The following AKAP13 variants were observed in gnomAD, a reference collection of about 807,000 sequenced individuals.
AKAP13 encodes the protein A-kinase anchor protein 13.
Under a neutral mutation model 264.5 loss-of-function variants are expected in AKAP13, and 80 were observed. The observed-to-expected ratio is 0.30, with a 90% CI of 0.25 to 0.36. The LOEUF is 0.36. AKAP13 is among the 10% of genes least tolerant of loss of function. AKAP13 has a pLI of 1.00. For missense variants in AKAP13, 3,712 were observed against 3,435.2 expected (o/e 1.08, Z -2.01); for synonymous variants, 1,380 against 1,250.2 (o/e 1.10, Z -2.19).
intron 8 of AKAP13, among the ~76,000 whole-genome samples, chr15:85,600,517 G>C (rs1419778789): frequency 6.6e-6 from 1 of 152,138 alleles, no homozygotes; most frequent in South Asian, 2.1e-4. Context: ...TTCAACAGCT[G>C]CTGCTAAGTA....
Position 85,581,381 on chromosome 15 carries a change from A to G in AKAP13, c.3313A>G (p.Arg1105Gly). 1 of 1,614,252 alleles carries G rather than the reference A, an allele frequency of 6.2e-7. No individual in the cohort carries two copies. The highest frequency in any genetic ancestry group is 1.1e-5 in the South Asian group (1 of 91,090). The change falls in exon 7 of 37, where the codon AGA (arginine) becomes GGA (glycine). Residue 1105 changes from arginine to glycine, a missense_variant. Around this residue, in one of 3 missense-constraint regions of AKAP13, gnomAD observed 2,759 missense variants for 2,411.7 expected, o/e 1.14. Coordinates refer to ENST00000394518, the MANE Select transcript of AKAP13 (RefSeq NM_007200.5). ...TCTACAAGGTATGGCTGAGCCCAGA[A>G]GAGAGAATATATCACACAACACCCA... ...NALQGMAEPRRENISHNTQDI... is the reference protein window; with the variant it reads ...NALQGMAEPRGENISHNTQDI...
At chr15:85,648,492 A>G (rs576207509) in intron 10 of AKAP13, among the ~76,000 whole-genome samples, 2 of 152,292 alleles carry the variant, frequency 1.3e-5, no homozygotes, top group South Asian at 2.1e-4. Context: ...AATTGCTCAT[A>G]TAAATGGCCT....
chr15:85,652,522 T>C (rs951499665), intron 10 of AKAP13, among the ~76,000 whole-genome samples: 1 of 152,220 alleles, frequency 6.6e-6, no homozygotes, highest in East Asian at 1.9e-4. Context: ...TTATTGGTGT[T>C]CATTCTGTTT....
chr15:85,664,511 T>TGAAA, intron 12 of AKAP13, 52 bp from the exon 13 acceptor site: 1 of 1,533,546 alleles, frequency 6.5e-7, no homozygotes. Context: ...TGTCCTCCTT[T>TGAAA]GTTTTTGAGA....
chr15:85,526,442 CGT>C (rs149977822), intron 3 of AKAP13, among the ~76,000 whole-genome samples: 1 of 151,150 alleles, frequency 6.6e-6, no homozygotes. Flanking sequence ...GTGGCTGGCA[CGT>C]GTGTGTGTGT....
intron 30 of AKAP13, among the ~76,000 whole-genome samples, chr15:85,730,985 T>C (rs2087965385): frequency 6.7e-6 from 1 of 149,366 alleles, no homozygotes; most frequent in Non-Finnish European, 1.5e-5. Context: ...GTTTTTTAAT[T>C]AGTCACTTAT....
intron 1 of AKAP13, among the ~76,000 whole-genome samples, chr15:85,471,696 C>T (rs1465282417): frequency 5.9e-5 from 9 of 152,200 alleles, no homozygotes; most frequent in Non-Finnish European, 1.2e-4. Flanking sequence ...ATCCCTGGGT[C>T]CAGGCAAGCA....
chr15:85,485,776 T>C, intron 2 of AKAP13, 23 bp downstream of exon 2: 1 of 1,609,456 alleles, frequency 6.2e-7, no homozygotes, highest in Non-Finnish European at 8.5e-7. Context: ...TGAGATTTCT[T>C]ATTATTTTGT....
At chr15:85,563,159 A>G (rs556418466) in intron 5 of AKAP13, among the ~76,000 whole-genome samples, 1 of 152,116 alleles carries the variant, frequency 6.6e-6, no homozygotes, top group South Asian at 2.1e-4. Flanking sequence ...GCCTCTAGGG[A>G]AGTCTCAGTT....
chr15:85,399,523 T>TAAAAAAAAAAAA (rs1367253621), intron 1 of AKAP13, among the ~76,000 whole-genome samples: 1 of 78,028 alleles, frequency 1.3e-5, no homozygotes, highest in Admixed American at 1.3e-4. Flanking sequence ...AAAAAAAAAA[T>TAAAAAAAAAAAA]AAAAAAATAA....
intron 1 of AKAP13, among the ~76,000 whole-genome samples, chr15:85,467,467 A>G (rs1383647651): frequency 6.6e-6 from 1 of 152,056 alleles, no homozygotes; most frequent in Non-Finnish European, 1.5e-5. Context: ...CTGTGAACAT[A>G]CACACAGTTT....
rs144859627 is a variant in AKAP13 at position 85,608,477 on chromosome 15, T to C, written c.4161+22654T>C. 6.3e-3 allele frequency among the ~76,000 whole-genome samples: 962 copies of C among 152,302 alleles called. 11 individuals are homozygous for C. The highest frequency in any genetic ancestry group is 0.022 in the African/African-American group (903 of 41,574). On this transcript the variant is annotated intron_variant, in intron 8 of 36. Transcript: ENST00000394518. ...GCTGTTGCCTTTAAGGCAATTATTA[T>C]TTGCTTAGAATCAGACCAACATGCA...
chr15:85,672,564 C>T (rs2083988937), intron 14 of AKAP13, among the ~76,000 whole-genome samples: 1 of 152,180 alleles, frequency 6.6e-6, no homozygotes, highest in South Asian at 2.1e-4. Flanking sequence ...CATAGTCTCC[C>T]TAACTGAAAT....
At chr15:85,462,514 A>G (rs1443540382) in intron 1 of AKAP13, among the ~76,000 whole-genome samples, 8 of 152,212 alleles carry the variant, frequency 5.3e-5, no homozygotes, top group Non-Finnish European at 8.8e-5. Context: ...ATCTAAAGTT[A>G]CTCAAAATTT....
intron 8 of AKAP13, among the ~76,000 whole-genome samples, chr15:85,631,469 AAC>A (rs1174686413): frequency 4.2e-4 from 63 of 150,106 alleles, no homozygotes; most frequent in African/African-American, 1.5e-3. Context: ...AATGCAAAAT[AAC>A]ACACACACAC....
chr15:85,493,091 G>C (rs1406303635), intron 2 of AKAP13, among the ~76,000 whole-genome samples: 1 of 152,198 alleles, frequency 6.6e-6, no homozygotes, highest in African/African-American at 2.4e-5. Flanking sequence ...AGGCGAAAGG[G>C]CTAATGTCAA....
intron 1 of AKAP13, among the ~76,000 whole-genome samples, chr15:85,456,030 T>C (rs1232116401): frequency 1.3e-5 from 2 of 152,216 alleles, no homozygotes; most frequent in East Asian, 3.8e-4. Context: ...TTATATACTT[T>C]CACACATCAC....
At chr15:85,503,764 T>A (rs1017325983) in intron 2 of AKAP13, among the ~76,000 whole-genome samples, 5 of 152,216 alleles carry the variant, frequency 3.3e-5, no homozygotes, top group African/African-American at 4.8e-5. Flanking sequence ...CATGCTTTAC[T>A]CTCTCGCTCT....
At chr15:85,577,932 GT>G (rs2151303489) in intron 6 of AKAP13, 1 of 625,698 alleles carries the variant, frequency 1.6e-6, no homozygotes, top group Non-Finnish European at 2.0e-6. Flanking sequence ...GCTAGGATTT[GT>G]TTTTACTTGT....
Sources: gnomAD v4.1 joint callset for allele counts (sites outside exome capture counted in the v4.1 genomes callset) on GRCh38, gnomAD v4.1.1 for gene constraint, gnomAD v4.1.1 regional missense constraint, MANE v1.5 for transcripts, NCBI Gene and HGNC (gene_info 2026-07-23, HGNC 2026-07-21) for gene names.